Variants in EXT1 observed in about 807,000 individuals in gnomAD.
EXT1 encodes the protein exostosin-1.
EXT1 carries 20 observed loss-of-function variants against 82.5 expected under a neutral mutation model. That is an observed-to-expected ratio of 0.24 (90% CI 0.17 to 0.35). The LOEUF (loss-of-function observed/expected upper bound fraction) is 0.35. EXT1 is among the 10% of genes least tolerant of loss of function. The pLI is 1.00. For synonymous variants in EXT1, 348 were observed against 350.8 expected, an observed-to-expected ratio of 0.99 and a Z score of 0.09; for missense variants, 757 against 936.5, an observed-to-expected ratio of 0.81 and a Z score of 2.50.
At chr8:118,047,166 G>A (rs1358934340) in intron 1 of EXT1, among the ~76,000 whole-genome samples, 1 of 152,098 alleles carries the variant, frequency 6.6e-6, no homozygotes, top group African/African-American at 2.4e-5. Flanking sequence ...CCAACTCCAG[G>A]GGAGGGTCCA....
intron 4 of EXT1, among the ~76,000 whole-genome samples, chr8:117,825,322 A>AT (rs140083585): frequency 0.049 from 7,467 of 152,196 alleles, 236 homozygotes; most frequent in Middle Eastern, 0.095. Flanking sequence ...TAGAAAGATC[A>AT]TTTTTTTCCC....
At chr8:117,845,865 T>C (rs1167566237) in intron 1 of EXT1, among the ~76,000 whole-genome samples, 2 of 152,150 alleles carry the variant, frequency 1.3e-5, no homozygotes, top group Non-Finnish European at 2.9e-5. Flanking sequence ...ACCACCATCA[T>C]GGAGAATAGG....
intron 1 of EXT1, among the ~76,000 whole-genome samples, chr8:118,009,520 T>C (rs1344998253): frequency 6.6e-6 from 1 of 152,166 alleles, no homozygotes; most frequent in Admixed American, 6.5e-5. Context: ...TATTTGCATA[T>C]ACCAACACTG....
At chr8:117,932,255 C>T (rs1167674283) in intron 1 of EXT1, among the ~76,000 whole-genome samples, 1 of 152,090 alleles carries the variant, frequency 6.6e-6, no homozygotes, top group Non-Finnish European at 1.5e-5. Flanking sequence ...AACTTCAAAG[C>T]TTTGCTTGCA....
At chr8:117,932,660 C>A (rs1814083375) in intron 1 of EXT1, among the ~76,000 whole-genome samples, 1 of 152,146 alleles carries the variant, frequency 6.6e-6, no homozygotes, top group African/African-American at 2.4e-5. Flanking sequence ...ATTTCCTGAG[C>A]CTTCGTTTTA....
rs756701753 is a variant in EXT1 at position 117,830,275 on chromosome 8, C to A, written c.1239G>T (p.Glu413Asp). 3.7e-5 allele frequency: 59 copies of A among 1,613,926 alleles called. No homozygotes were observed. The highest frequency in any genetic ancestry group is 4.9e-5 in the Non-Finnish European group (58 of 1,179,998). ...TCTTCTCAACTGAAGAAAAATAAGC[C>A]TCCCACAAGAATTGTGTCTGCTGTC... ...ALRQQTQFLWEAYFSSVEKIV... is the reference protein window; with the variant it reads ...ALRQQTQFLWDAYFSSVEKIV... Residue 413 changes from glutamate to aspartate, a missense_variant, in exon 4 of 11, where the codon GAG becomes GAT. Physicochemically the swap from Glu to Asp is conservative, Grantham distance 45 (BLOSUM62 2). This residue lies in a region of EXT1 where 207 missense variants were observed against 224.2 expected (regional missense o/e 0.92). Coordinates refer to ENST00000378204, the MANE Select transcript of EXT1 (RefSeq NM_000127.3).
At chr8:117,895,752 T>C (rs1813323845) in intron 1 of EXT1, among the ~76,000 whole-genome samples, 1 of 152,204 alleles carries the variant, frequency 6.6e-6, no homozygotes, top group African/African-American at 2.4e-5. Context: ...TTTTTCTTCC[T>C]TTCCTGCTGA....
At chr8:117,932,310 G>A (rs1814074984) in intron 1 of EXT1, among the ~76,000 whole-genome samples, 2 of 152,258 alleles carry the variant, frequency 1.3e-5, no homozygotes, top group Admixed American at 6.5e-5. Flanking sequence ...GCTGGCTGGG[G>A]AGCAATCCCT....
intron 1 of EXT1, among the ~76,000 whole-genome samples, chr8:118,103,628 G>A (rs1817760872): frequency 6.6e-6 from 1 of 152,090 alleles, no homozygotes; most frequent in Non-Finnish European, 1.5e-5. Context: ...CCATCCACCT[G>A]CAGCGACATC....
intron 1 of EXT1, among the ~76,000 whole-genome samples, chr8:117,868,982 GC>G (rs1286219559): frequency 2.0e-5 from 3 of 152,012 alleles, no homozygotes; most frequent in African/African-American, 7.2e-5. Context: ...CTGGCCTGGG[GC>G]CCCCAGGACC....
At chr8:118,025,999 G>A (rs1816195164) in intron 1 of EXT1, among the ~76,000 whole-genome samples, 1 of 152,156 alleles carries the variant, frequency 6.6e-6, no homozygotes, top group Admixed American at 6.6e-5. Context: ...ACGCAGAAAA[G>A]GACTGCCACA....
intron 1 of EXT1, among the ~76,000 whole-genome samples, chr8:117,962,399 C>A (rs1374590815): frequency 6.6e-6 from 1 of 151,760 alleles, no homozygotes; most frequent in Non-Finnish European, 1.5e-5. Context: ...CATTTTGAGG[C>A]CAGGGGTTTG....
intron 1 of EXT1, among the ~76,000 whole-genome samples, chr8:117,844,822 G>C (rs1812326915): frequency 6.6e-6 from 1 of 152,080 alleles, no homozygotes; most frequent in African/African-American, 2.4e-5. Context: ...AGGGATGCTT[G>C]GCGTCCCCAA....
In EXT1 at chr8:117,797,200, G is replaced by C. The variant is rs561358371; in HGVS notation, c.*2512C>G. On this transcript the variant is annotated 3_prime_UTR_variant, in exon 11 of 11. Coordinates refer to ENST00000378204, the MANE Select transcript of EXT1 (RefSeq NM_000127.3). ...TTACATATTACTGTCGAGCTTCACT[G>C]ATTTGTTAAGCATTGTTCTATTCCC... is the stretch of plus-strand genomic sequence containing the variant. 6.6e-6 allele frequency: 1 copy of C among 152,340 alleles called. No individual in the cohort carries two copies. Among genetic ancestry groups the C allele is most frequent in the South Asian group, 2.1e-4 (1 of 4,826 alleles). The allele number at this position is 152,340 out of a possible 1,614,324, so 9.4% of individuals were successfully genotyped here.
At chr8:117,825,722 C>T (rs1811998955) in intron 4 of EXT1, among the ~76,000 whole-genome samples, 1 of 152,182 alleles carries the variant, frequency 6.6e-6, no homozygotes, top group South Asian at 2.1e-4. Context: ...CCATATGCCA[C>T]CTCACTTGAA....
At chr8:118,030,663 G>A (rs2129877439) in intron 1 of EXT1, among the ~76,000 whole-genome samples, 1 of 152,188 alleles carries the variant, frequency 6.6e-6, no homozygotes, top group Non-Finnish European at 1.5e-5. Context: ...TTTGTACTTA[G>A]TAGAGATGGG....
At chr8:117,934,658 C>T (rs1158578974) in intron 1 of EXT1, among the ~76,000 whole-genome samples, 1 of 152,220 alleles carries the variant, frequency 6.6e-6, no homozygotes, top group African/African-American at 2.4e-5. Flanking sequence ...TGAAATGCAG[C>T]CAGTTCACAG....
intron 4 of EXT1, among the ~76,000 whole-genome samples, chr8:117,829,766 G>C (rs1451221929): frequency 6.6e-6 from 1 of 151,694 alleles, no homozygotes; most frequent in Non-Finnish European, 1.5e-5. Context: ...GTAGAGACGA[G>C]GTTTCACCAT....
At chr8:117,985,701 T>C (rs1815303719) in intron 1 of EXT1, among the ~76,000 whole-genome samples, 1 of 152,234 alleles carries the variant, frequency 6.6e-6, no homozygotes, top group South Asian at 2.1e-4. Flanking sequence ...TTCTTAGCTT[T>C]ATAAACTGTA....
Sources: gnomAD v4.1 joint callset for allele counts (sites outside exome capture counted in the v4.1 genomes callset) on GRCh38, gnomAD v4.1.1 for gene constraint, gnomAD v4.1.1 regional missense constraint, MANE v1.5 for transcripts, NCBI Gene and HGNC (gene_info 2026-07-23, HGNC 2026-07-21) for gene names.